The following PLPP4 variants were observed in gnomAD, a reference collection of about 807,000 sequenced individuals.
PLPP4 encodes the protein diacylglycerol pyrophosphate like 2.
PLPP4 carries 20 observed loss-of-function variants against 32.2 expected under a neutral mutation model. That is an observed-to-expected ratio of 0.62 (90% CI 0.44 to 0.90). The LOEUF (loss-of-function observed/expected upper bound fraction) is 0.90, where lower values mean the gene tolerates loss of function less well. Ranked by LOEUF, PLPP4 falls within the 40% of genes least tolerant of loss-of-function variation. The pLI, the probability that PLPP4 is intolerant of heterozygous loss-of-function variation, is 0.00. For synonymous variants in PLPP4, 127 were observed against 133.0 expected (o/e 0.95, Z 0.31); for missense variants, 257 against 353.1 (o/e 0.73, Z 2.18).
chr10:120,581,794 C>T (rs1404359756), intron 6 of PLPP4, among the ~76,000 whole-genome samples: 1 of 152,176 alleles, frequency 6.6e-6, no homozygotes, highest in East Asian at 1.9e-4. Flanking sequence ...AGCCCCTTCC[C>T]CACATGCCAT....
chr10:120,580,475 G>C (rs909032467), intron 6 of PLPP4, among the ~76,000 whole-genome samples: 1 of 152,098 alleles, frequency 6.6e-6, no homozygotes, highest in Non-Finnish European at 1.5e-5. Context: ...ACCAGTTTCA[G>C]GTAGTCCAGT....
chr10:120,471,526 T>C (rs920017699), intron 1 of PLPP4, among the ~76,000 whole-genome samples: 3 of 152,040 alleles, frequency 2.0e-5, no homozygotes, highest in Non-Finnish European at 2.9e-5. Flanking sequence ...TATCTTAAGG[T>C]CTACTTTATC....
intron 5 of PLPP4, among the ~76,000 whole-genome samples, chr10:120,567,278 A>T (rs1848735084): frequency 1.3e-5 from 2 of 152,346 alleles, no homozygotes; most frequent in South Asian, 4.1e-4. Context: ...AGAAATAGAC[A>T]TGTCTGGGTG....
chr10:120,503,061 C>CT (rs1291714798), intron 1 of PLPP4, among the ~76,000 whole-genome samples: 3 of 152,244 alleles, frequency 2.0e-5, no homozygotes, highest in Non-Finnish European at 4.4e-5. Flanking sequence ...GCACCTCCCA[C>CT]TTTGCCTTCT....
rs988086333 is a variant in PLPP4, at chr10:120,590,406, T to C, written c.*904T>C. ...ATAAGAAGCAACTTCAGGCTGAGAA[T>C]TTTTCCCCTTTAGGATCTGAGTTTT... On this transcript the variant is annotated 3_prime_UTR_variant, in exon 7 of 7. Transcript: ENST00000398250. Among the ~76,000 whole-genome samples the C allele has an allele frequency of 1.3e-5, 2 of 152,142 alleles. No homozygotes were observed. The highest frequency in any genetic ancestry group is 2.9e-5 in the Non-Finnish European group (2 of 68,020).
intron 1 of PLPP4, among the ~76,000 whole-genome samples, chr10:120,491,795 T>C (rs2133839437): frequency 6.6e-6 from 1 of 152,270 alleles, no homozygotes; most frequent in South Asian, 2.1e-4. Context: ...TACTTTGATA[T>C]GGAATTTTAA....
At chr10:120,567,516 G>T (rs1447576167) in intron 5 of PLPP4, among the ~76,000 whole-genome samples, 1 of 152,188 alleles carries the variant, frequency 6.6e-6, no homozygotes, top group Admixed American at 6.5e-5. Context: ...ATACCTAGAA[G>T]AGTTCTATTT....
chr10:120,547,311 G>A, intron 5 of PLPP4, among the ~76,000 whole-genome samples: 1 of 152,110 alleles, frequency 6.6e-6, no homozygotes, highest in South Asian at 2.1e-4. Flanking sequence ...ATAACCCTAT[G>A]AGAACCTATT....
intron 2 of PLPP4, among the ~76,000 whole-genome samples, chr10:120,509,575 G>A (rs372199065): frequency 1.7e-4 from 26 of 152,252 alleles, no homozygotes; most frequent in African/African-American, 6.3e-4. Flanking sequence ...AAGCTTTTGG[G>A]CTAAGGGAAT....
chr10:120,466,383 G>A (rs549012504), intron 1 of PLPP4, among the ~76,000 whole-genome samples: 21 of 152,208 alleles, frequency 1.4e-4, no homozygotes, highest in African/African-American at 4.8e-4. Context: ...ATATATCCAT[G>A]GGTAAAATGA....
At chr10:120,479,302 C>T (rs1254572833) in intron 1 of PLPP4, among the ~76,000 whole-genome samples, 2 of 152,150 alleles carry the variant, frequency 1.3e-5, no homozygotes, top group Non-Finnish European at 2.9e-5. Context: ...GCCAAATCGT[C>T]CTCCAGAAAT....
intron 5 of PLPP4, among the ~76,000 whole-genome samples, chr10:120,560,054 G>A (rs569439869): frequency 3.0e-4 from 46 of 152,330 alleles, no homozygotes; most frequent in Admixed American, 2.2e-3. Flanking sequence ...AGCAGTTCGT[G>A]TCTCCACGAA....
intron 6 of PLPP4, among the ~76,000 whole-genome samples, chr10:120,578,732 G>T (rs1459271058): frequency 1.3e-5 from 2 of 152,186 alleles, no homozygotes; most frequent in Non-Finnish European, 2.9e-5. Flanking sequence ...ATGGCATAGG[G>T]AAGGAGACAT....
At chr10:120,580,188 C>CAGCTAGTG (rs1292364297) in intron 6 of PLPP4, among the ~76,000 whole-genome samples, 1 of 150,496 alleles carries the variant, frequency 6.6e-6, no homozygotes, top group Non-Finnish European at 1.5e-5. Flanking sequence ...ATGAACTTCT[C>CAGCTAGTG]AGCTAGTGAG....
intron 1 of PLPP4, among the ~76,000 whole-genome samples, chr10:120,469,526 C>T (rs75096701): frequency 0.011 from 1,620 of 152,164 alleles, 28 homozygotes; most frequent in African/African-American, 0.036. Flanking sequence ...CGTGCCCGGC[C>T]GCAACTATTT....
chr10:120,494,749 A>G (rs1844886119), intron 1 of PLPP4, among the ~76,000 whole-genome samples: 1 of 152,124 alleles, frequency 6.6e-6, no homozygotes, highest in African/African-American at 2.4e-5. Flanking sequence ...GGTAGGAGCA[A>G]CTTCTTGGGG....
chr10:120,560,892 G>A (rs1321706795), intron 5 of PLPP4, among the ~76,000 whole-genome samples: 5 of 152,210 alleles, frequency 3.3e-5, no homozygotes, highest in Non-Finnish European at 1.5e-5. Context: ...AAGTAGGCTA[G>A]TAGTAAAATT....
intron 5 of PLPP4, among the ~76,000 whole-genome samples, chr10:120,524,203 G>A (rs796604626): frequency 2.6e-5 from 4 of 152,234 alleles, no homozygotes; most frequent in African/African-American, 9.6e-5. Flanking sequence ...ACAGGTTAGT[G>A]ATTGGCTTGA....
At chr10:120,545,685 A>C (rs986407520) in intron 5 of PLPP4, among the ~76,000 whole-genome samples, 5 of 152,146 alleles carry the variant, frequency 3.3e-5, no homozygotes, top group African/African-American at 4.8e-5. Flanking sequence ...AGCTTAAAGG[A>C]AGGTTGGATA....
Sources: allele counts gnomAD v4.1 joint callset (sites outside exome capture counted in the v4.1 genomes callset), GRCh38; gene constraint gnomAD v4.1.1; transcripts MANE v1.5; gene names NCBI Gene and HGNC (gene_info 2026-07-23, HGNC 2026-07-21).